Variants in LPP observed in about 807,000 individuals in gnomAD.
LPP encodes lipoma-preferred partner.
Under a neutral mutation model 60.4 loss-of-function variants are expected in LPP, and 38 were observed. The ratio of observed to expected loss-of-function variants is 0.63; its 90% CI spans 0.49 to 0.83. LPP has a LOEUF of 0.83. Ranked by LOEUF, LPP falls within the 40% of genes least tolerant of loss-of-function variation. The probability of loss-of-function intolerance (pLI) is 0.00; values close to 1 mark genes in which losing one functional copy is unlikely to be tolerated. For missense variants in LPP, 902 were observed against 783.6 expected (o/e 1.15, Z -1.80); for synonymous variants, 328 against 290.8 (o/e 1.13, Z -1.30).
In LPP at chr3:188,571,428, CA is replaced by C. The variant is rs5855209; in HGVS notation, c.430-37723del. On this transcript the variant is annotated intron_variant, in intron 6 of 11. Transcript: ENST00000617246. ...TTTCCAATATCTCTTTCTAGGATCA[CA>C]AAAAAAAAAGAACCCCTGAGGTCTT... Among the ~76,000 whole-genome samples, 805 of 146,940 alleles carry C rather than the reference CA, an allele frequency of 5.5e-3. 10 individuals carry two copies. The highest frequency in any genetic ancestry group is 0.018 in the African/African-American group (702 of 39,988).
intron 6 of LPP, among the ~76,000 whole-genome samples, chr3:188,592,861 A>G (rs77544427): frequency 0.069 from 10,436 of 152,012 alleles, 786 homozygotes; most frequent in East Asian, 0.35. Context: ...TAATGAATAC[A>G]CTGTCTTACA....
At chr3:188,307,032 G>A (rs1448668449) in intron 2 of LPP, among the ~76,000 whole-genome samples, 1 of 152,192 alleles carries the variant, frequency 6.6e-6, no homozygotes, top group African/African-American at 2.4e-5. Flanking sequence ...TTTTTAACTG[G>A]TAGAGATAAC....
intron 2 of LPP, among the ~76,000 whole-genome samples, chr3:188,311,002 G>A (rs915952406): frequency 5.3e-5 from 8 of 152,138 alleles, no homozygotes; most frequent in Non-Finnish European, 1.0e-4. Flanking sequence ...TGTGGAAACT[G>A]AGGTGCTGAA....
intron 4 of LPP, among the ~76,000 whole-genome samples, chr3:188,426,105 CTCTAAACACTGCTTTAGCTGTG>C (rs1789266388): frequency 6.6e-6 from 1 of 152,180 alleles, no homozygotes; most frequent in Admixed American, 6.5e-5. Context: ...ATAAATTCCC[CTCTAAACACTGCTTTAGCTGTG>C]TCCCAGAAAT....
chr3:188,539,746 A>AT (rs1824631574), intron 6 of LPP, among the ~76,000 whole-genome samples: 1 of 152,180 alleles, frequency 6.6e-6, no homozygotes, highest in Non-Finnish European at 1.5e-5. Flanking sequence ...ATAAACAGTT[A>AT]TTACTGTTGG....
chr3:188,446,133 C>G (rs1795177435), intron 4 of LPP, among the ~76,000 whole-genome samples: 1 of 152,150 alleles, frequency 6.6e-6, no homozygotes, highest in South Asian at 2.1e-4. Flanking sequence ...GTCCACAATG[C>G]TTGGTTGATT....
At chr3:188,782,057 A>G (rs1739963315) in intron 9 of LPP, among the ~76,000 whole-genome samples, 1 of 152,208 alleles carries the variant, frequency 6.6e-6, no homozygotes, top group African/African-American at 2.4e-5. Flanking sequence ...ACATCTTTTT[A>G]CATGGATCTT....
chr3:188,435,283 G>GT (rs1473506564), intron 4 of LPP, among the ~76,000 whole-genome samples: 1 of 152,042 alleles, frequency 6.6e-6, no homozygotes, highest in East Asian at 1.9e-4. Context: ...TTTGAGTTCT[G>GT]TTTTTTGACC....
intron 3 of LPP, among the ~76,000 whole-genome samples, chr3:188,359,230 C>T (rs1207755608): frequency 6.6e-6 from 1 of 152,168 alleles, no homozygotes; most frequent in African/African-American, 2.4e-5. Flanking sequence ...GAAGTTAGAG[C>T]ACGTTTGCCT....
chr3:188,197,799 G>A (rs1729958647), intron 1 of LPP, among the ~76,000 whole-genome samples: 1 of 152,176 alleles, frequency 6.6e-6, no homozygotes, highest in Admixed American at 6.5e-5. Flanking sequence ...GTGATACCCA[G>A]AAAGCTCCCA....
intron 5 of LPP, among the ~76,000 whole-genome samples, chr3:188,495,233 C>T (rs1330381227): frequency 1.4e-5 from 2 of 138,618 alleles, no homozygotes; most frequent in South Asian, 2.2e-4. Context: ...AGAAGAAATA[C>T]TCCCACAAAC....
At chr3:188,343,964 A>C (rs955727096) in intron 3 of LPP, among the ~76,000 whole-genome samples, 1 of 152,204 alleles carries the variant, frequency 6.6e-6, no homozygotes, top group Admixed American at 6.5e-5. Flanking sequence ...TCTGCTCTCA[A>C]CGTTGATCCA....
chr3:188,210,397 G>A (rs1271727770), intron 1 of LPP, among the ~76,000 whole-genome samples: 1 of 152,268 alleles, frequency 6.6e-6, no homozygotes, highest in East Asian at 1.9e-4. Context: ...GGAAGGCCGG[G>A]GAGGAACCAG....
At position 188,521,405 on chromosome 3, in the gene LPP, A is replaced by G. The variant is rs187145084; in HGVS notation, c.307-3260A>G. Reference sequence around the variant, plus strand: ...CTTGTTTTATTGTGTAGTTCAGGGTAATTCTGTGACTTGTTGAGTCTCAGT... The same window carrying G: ...CTTGTTTTATTGTGTAGTTCAGGGTGATTCTGTGACTTGTTGAGTCTCAGT... On this transcript the variant is annotated intron_variant, in intron 5 of 11. Transcript: ENST00000617246. 3.3e-5 allele frequency among the ~76,000 whole-genome samples: 5 copies of G among 152,204 alleles called. No individual in the cohort carries two copies. The East Asian group carries it at 9.7e-4, about 29-fold the overall frequency.
intron 1 of LPP, among the ~76,000 whole-genome samples, chr3:188,157,664 A>G (rs1716910400): frequency 6.6e-6 from 1 of 152,094 alleles, no homozygotes; most frequent in Non-Finnish European, 1.5e-5. Context: ...TTTGAGGAGC[A>G]CACAAGTGTG....
chr3:188,839,048 T>C (rs574503706), intron 9 of LPP, among the ~76,000 whole-genome samples: 1 of 152,154 alleles, frequency 6.6e-6, no homozygotes, highest in East Asian at 1.9e-4. Flanking sequence ...GAAGTTGAAG[T>C]CAGGGTATAG....
At chr3:188,412,821 T>C (rs1457985079) in intron 4 of LPP, among the ~76,000 whole-genome samples, 1 of 152,164 alleles carries the variant, frequency 6.6e-6, no homozygotes, top group Non-Finnish European at 1.5e-5. Context: ...TAAGCCTGGA[T>C]TATTTTTTTA....
intron 6 of LPP, among the ~76,000 whole-genome samples, chr3:188,580,788 G>A (rs1835896964): frequency 6.6e-6 from 1 of 152,148 alleles, no homozygotes; most frequent in East Asian, 1.9e-4. Flanking sequence ...AATTGGGAAG[G>A]AGTAGCTTGC....
chr3:188,850,198 A>C (rs114281858), intron 9 of LPP, among the ~76,000 whole-genome samples: 4,045 of 152,344 alleles, frequency 0.027, 89 homozygotes, highest in Middle Eastern at 0.1. Flanking sequence ...GGGGAAGCTG[A>C]GAGGTCACTT....
Sources: allele counts gnomAD v4.1 joint callset (sites outside exome capture counted in the v4.1 genomes callset), GRCh38; gene constraint gnomAD v4.1.1; transcripts MANE v1.5; gene names NCBI Gene and HGNC (gene_info 2026-07-23, HGNC 2026-07-21).